The following ZNF251 variants were observed in gnomAD, a reference collection of about 807,000 sequenced individuals.
ZNF251 encodes zinc finger protein 251.
A neutral mutation model predicts 13.5 loss-of-function variants in ZNF251; 14 were observed. The ratio of observed to expected loss-of-function variants is 1.04; its 90% CI spans 0.69 to 1.63. The LOEUF (loss-of-function observed/expected upper bound fraction) is 1.63. Among genes scored for constraint, ZNF251 ranks in the 40% most tolerant of loss-of-function variants. The pLI is 0.00. For synonymous variants in ZNF251, 287 were observed against 295.2 expected (o/e 0.97, Z 0.28); for missense variants, 764 against 834.9 (o/e 0.92, Z 1.05).
chr8:144,722,438 T>C lies in ZNF251; in HGVS notation c.1222A>G (p.Asn408Asp), dbSNP rs1378027312. The C allele has an allele frequency of 2.5e-6, 4 of 1,613,916 alleles. No individual in the cohort carries two copies. In the South Asian group the frequency reaches 3.3e-5, roughly 13 times the overall value. The change falls in exon 5 of 5, where the codon AAT (asparagine) becomes GAT (aspartate). Residue 408 changes from asparagine (N) to aspartate (D), a missense_variant. By Grantham distance (23) the Asn-to-Asp change is conservative. Transcript: ENST00000292562. The surrounding 1 kb of genome is among the most constrained non-coding windows in gnomAD (Gnocchi z 4.8). ...VHTGEKPYVC[N>D]ECGRAFGFNS... ...AAACCAAAGGCTCTGCCGCATTCAT[T>C]ACATACATAGGGTTTCTCTCCAGTA...
chr8:144,722,232 G>C lies in ZNF251; in HGVS notation c.1428C>G (p.Leu476=), dbSNP rs1301314451. The part of the protein sequence containing the change: ...CGKAFSQSSQ[L]TLHQRVHTGE... ...CAGTGTGAACTCGCTGATGTAGGGTGAGCTGGGAGCTCTGGCTGAAAGCTT... is the reference window on the plus strand; with the variant it reads ...CAGTGTGAACTCGCTGATGTAGGGTCAGCTGGGAGCTCTGGCTGAAAGCTT... The change falls in exon 5 of 5, where the codon CTC becomes CTG. Residue 476 remains leucine (L), a synonymous_variant. Transcript: ENST00000292562. This position sits in a 1 kb window ranked among gnomAD's most constrained non-coding sequence, Gnocchi z 4.8. The C allele has an allele frequency of 6.2e-7, 1 of 1,611,698 alleles. No homozygotes were observed. Among genetic ancestry groups the C allele is most frequent in the South Asian group, 1.1e-5 (1 of 90,946 alleles).
In ZNF251 at chr8:144,722,821, A is replaced by G. The variant is rs1239393810; in HGVS notation, c.839T>C (p.Leu280Pro). 2 of 1,613,972 alleles carry G rather than the reference A, an allele frequency of 1.2e-6. No homozygotes were observed. The highest frequency in any genetic ancestry group is 1.7e-5 in the Admixed American group (1 of 60,010). Residue 280 changes from leucine to proline, a missense_variant, in exon 5 of 5, where the codon CTC becomes CCC. Transcript: ENST00000292562. The surrounding 1 kb of genome is among the most constrained non-coding windows in gnomAD (Gnocchi z 4.8). ...AGTGTGAATTCTCCGATGAAGACGG[A>G]GGTGAGAATTGAGTCCAAAAGTTTT... is the stretch of plus-strand genomic sequence containing the variant. ...CGKTFGLNSH[L>P]RLHRRIHTGE...
At chr8:144,752,529 G>A (rs567431240) in intron 4 of ZNF251, among the ~76,000 whole-genome samples, 1 of 152,318 alleles carries the variant, frequency 6.6e-6, no homozygotes, top group East Asian at 1.9e-4. Flanking sequence ...TTTGTGAGAT[G>A]CAACTTAAGC....
In ZNF251 at chr8:144,733,670, A is replaced by C. The variant is rs537403644; in HGVS notation, c.278-10288T>G. On this transcript the variant is annotated intron_variant, in intron 4 of 4. Transcript: ENST00000292562. Reference sequence around the variant, plus strand: ...TTCCACCCATACCCTGGAACCCAGGAAGGCAGATGCCCCAGATCCTCGCCC... The same window carrying C: ...TTCCACCCATACCCTGGAACCCAGGCAGGCAGATGCCCCAGATCCTCGCCC... Among the ~76,000 whole-genome samples the C allele has an allele frequency of 2.3e-3, 346 of 152,260 alleles. 3 individuals carry two copies. The highest frequency in any genetic ancestry group is 7.8e-3 in the African/African-American group (326 of 41,574).
intron 4 of ZNF251, among the ~76,000 whole-genome samples, chr8:144,747,770 G>A (rs1379892921): frequency 1.3e-5 from 2 of 152,056 alleles, no homozygotes; most frequent in African/African-American, 4.8e-5. Flanking sequence ...GAGCCACCAC[G>A]CCCGGCTAAT....
At chr8:144,755,272 C>A in intron 1 of ZNF251, 133 bp downstream of exon 1, 1 of 1,210,076 alleles carries the variant, frequency 8.3e-7, no homozygotes, top group South Asian at 1.5e-5. Flanking sequence ...CCGGCCTCTG[C>A]AGCCCGTCGG....
At chr8:144,740,048 G>A (rs1824084808) in intron 4 of ZNF251, among the ~76,000 whole-genome samples, 2 of 152,174 alleles carry the variant, frequency 1.3e-5, no homozygotes, top group African/African-American at 2.4e-5. Flanking sequence ...CACTTTGGGA[G>A]GCCGAGGCGG....
chr8:144,721,647 A>G lies in ZNF251; in HGVS notation c.2013T>C (p.Phe671=). 7.4e-7 allele frequency: 1 copy of G among 1,342,686 alleles called. No individual in the cohort carries two copies. Among genetic ancestry groups the G allele is most frequent in the South Asian group, 2.8e-5 (1 of 35,376 alleles). 83.2% of individuals were successfully genotyped at this position (1,342,686 alleles called of 1,614,324 possible). The part of the protein sequence containing the change: ...HIKKIFQERH[F] Reference sequence around the variant, plus strand: ...ACTGTCTTCTGCATTTATCACATTAAAAATGTCTTTCTTGGAAAATCTTCT... The same window carrying G: ...ACTGTCTTCTGCATTTATCACATTAGAAATGTCTTTCTTGGAAAATCTTCT... Residue 671 remains phenylalanine (F), a synonymous_variant, in exon 5 of 5, where the codon TTT becomes TTC. Transcript: ENST00000292562.
chr8:144,741,893 G>C (rs553058612), intron 4 of ZNF251, among the ~76,000 whole-genome samples: 1 of 152,278 alleles, frequency 6.6e-6, no homozygotes, highest in South Asian at 2.1e-4. Flanking sequence ...TGGTATCTCA[G>C]GAGACCAGAG....
chr8:144,722,071 C>A lies in ZNF251; in HGVS notation c.1589G>T (p.Ser530Ile), dbSNP rs528236940. The A allele has an allele frequency of 3.7e-6, 6 of 1,613,906 alleles. No individual in the cohort carries two copies. The highest frequency in any genetic ancestry group is 3.3e-5 in the Admixed American group (2 of 60,018). ...GGGAATCTGTCCATCTGCTGTGAGG[C>A]TGGAGCCATGAACAAAGGCTGGACC... ...KHGPAFVHGS[S>I]LTADGQIPTG... Residue 530 changes from serine to isoleucine, a missense_variant, in exon 5 of 5, where the codon AGC (serine) becomes ATC (isoleucine). By Grantham distance (142) the Ser-to-Ile change is moderately radical. Coordinates refer to ENST00000292562, the MANE Select transcript of ZNF251 (RefSeq NM_138367.2). The surrounding 1 kb of genome is among the most constrained non-coding windows in gnomAD (Gnocchi z 4.8).
At chr8:144,733,827 A>G (rs1823796443) in intron 4 of ZNF251, among the ~76,000 whole-genome samples, 1 of 152,182 alleles carries the variant, frequency 6.6e-6, no homozygotes, top group Non-Finnish European at 1.5e-5. Context: ...CAAGAGAAAC[A>G]AAAGGAAAAA....
chr8:144,754,775 G>A lies in ZNF251; in HGVS notation c.-47C>T. On this transcript the variant is annotated 5_prime_UTR_variant, in exon 2 of 5. Transcript: ENST00000292562. ...GGTTTCCAAGAGAAGACAGGAGACT[G>A]CCCTGGCCTGAAGTCTCCCCGAACT... The A allele has an allele frequency of 6.2e-7, 1 of 1,602,372 alleles. No individual in the cohort carries two copies. The highest frequency in any genetic ancestry group is 1.1e-5 in the South Asian group (1 of 88,852).
intron 4 of ZNF251, among the ~76,000 whole-genome samples, chr8:144,736,481 T>TTATC (rs1455549244): frequency 6.7e-6 from 1 of 149,864 alleles, no homozygotes; most frequent in African/African-American, 2.4e-5. Context: ...ATTTATTTAT[T>TTATC]TATTTATTTA....
chr8:144,749,773 G>A (rs1283248474), intron 4 of ZNF251, among the ~76,000 whole-genome samples: 1 of 151,796 alleles, frequency 6.6e-6, no homozygotes, highest in African/African-American at 2.4e-5. Context: ...CTTGGAGGCC[G>A]TGTACCATCC....
Position 144,755,505 on chromosome 8 carries a change from G to A in ZNF251, c.-176C>T, listed in dbSNP as rs1306575202. 1.6e-5 allele frequency: 20 copies of A among 1,286,336 alleles called. No individual in the cohort carries two copies. In the East Asian group the frequency reaches 2.2e-4, roughly 14 times the overall value. The allele number at this position is 1,286,336 out of a possible 1,614,324, so 79.7% of individuals were successfully genotyped here. A position where few individuals can be genotyped will look rare whatever the true frequency, so the allele number is the denominator to read the frequency against. On this transcript the variant is annotated 5_prime_UTR_variant, in exon 1 of 5. Coordinates refer to ENST00000292562, the MANE Select transcript of ZNF251 (RefSeq NM_138367.2). The stretch of plus-strand genomic sequence containing the variant: ...CTCCCACAGAACCGGGTCCAGAGCC[G>A]GGGAGGGGGCGGGCTAGGATGAAGA...
intron 4 of ZNF251, among the ~76,000 whole-genome samples, chr8:144,735,875 T>C (rs2727244): frequency 0.96 from 145,778 of 152,272 alleles, 69,837 homozygotes; most frequent in East Asian, 1. Context: ...GGACAAGACT[T>C]GTGCAAAGGT....
chr8:144,724,732 C>A (rs1168913786), intron 4 of ZNF251, among the ~76,000 whole-genome samples: 1 of 152,118 alleles, frequency 6.6e-6, no homozygotes, highest in East Asian at 1.9e-4. Context: ...TAATGGAATA[C>A]AATTCTACCA....
intron 4 of ZNF251, chr8:144,729,915 G>T: frequency 2.2e-6 from 1 of 452,216 alleles, no homozygotes; most frequent in Non-Finnish European, 2.9e-6. Context: ...GGTTACATGT[G>T]TTTTTTGTGA....
chr8:144,722,498 G>C lies in ZNF251; in HGVS notation c.1162C>G (p.Gln388Glu). The stretch of plus-strand genomic sequence containing the variant: ...TGATGGAGGAAAAGGCTTGAGCTCT[G>C]ACTGAAGGCCTTCCCACACTGATTG... Reference protein sequence around the residue: ...KCNQCGKAFSQSSSLFLHHRV... With the variant: ...KCNQCGKAFSESSSLFLHHRV... Residue 388 changes from glutamine to glutamate, a missense_variant, in exon 5 of 5, where the codon CAG becomes GAG. Gln to Glu is a conservative substitution (Grantham distance 29, BLOSUM62 2). Coordinates refer to ENST00000292562, the MANE Select transcript of ZNF251 (RefSeq NM_138367.2). This position sits in a 1 kb window ranked among gnomAD's most constrained non-coding sequence, Gnocchi z 4.8. 1 of 1,614,012 alleles carries C rather than the reference G, an allele frequency of 6.2e-7. No homozygotes were observed. The highest frequency in any genetic ancestry group is 1.1e-5 in the South Asian group (1 of 91,068).
Sources: gnomAD v4.1 joint callset for allele counts (sites outside exome capture counted in the v4.1 genomes callset) on GRCh38, gnomAD v4.1.1 for gene constraint, Gnocchi (gnomAD v3.1) non-coding constraint, MANE v1.5 for transcripts, NCBI Gene and HGNC (gene_info 2026-07-23, HGNC 2026-07-21) for gene names.